The following DYNC2H1 variants were observed in gnomAD, a reference collection of about 807,000 sequenced individuals.
DYNC2H1 encodes the protein cytoplasmic dynein 2 heavy chain 1.
DYNC2H1 carries 410 observed loss-of-function variants against 570.0 expected under a neutral mutation model. The observed-to-expected ratio is 0.72, with a 90% CI of 0.66 to 0.78. The LOEUF is 0.78. DYNC2H1 is among the 30% of genes least tolerant of loss of function. DYNC2H1 has a pLI of 0.00. For synonymous variants in DYNC2H1, 1,688 were observed against 1,677.6 expected, an observed-to-expected ratio of 1.01 and a Z score of -0.15; for missense variants, 4,865 against 5,046.4, an observed-to-expected ratio of 0.96 and a Z score of 1.09.
rs1944046669 is a variant in DYNC2H1, at chr11:103,435,990, A to G, written c.12414A>G (p.Leu4138=). Residue 4138 remains leucine (L), a synonymous_variant, in exon 85 of 89, where the codon TTA becomes TTG. Transcript: ENST00000375735. ...QSKWEGPEDP[L]QYLRGLVARA... is the part of the protein sequence containing the mutation. Reference sequence around the variant, plus strand: ...AGTGGGAAGGCCCAGAAGATCCCTTACAATACCTGAGAGGTCTTGTTGCCC... The same window carrying G: ...AGTGGGAAGGCCCAGAAGATCCCTTGCAATACCTGAGAGGTCTTGTTGCCC... 1.2e-6 allele frequency: 2 copies of G among 1,612,678 alleles called. No homozygotes were observed. Among genetic ancestry groups the G allele is most frequent in the South Asian group, 1.1e-5 (1 of 91,038 alleles).
Position 103,192,188 on chromosome 11 carries a change from A to G in DYNC2H1, c.7632A>G (p.Glu2544=). Residue 2544 remains glutamate (E), a synonymous_variant, in exon 47 of 89, where the codon GAA becomes GAG. Transcript: ENST00000375735. The part of the protein sequence containing the change: ...LFRDKIVGAK[E]LHLFDIILTS... ...GTGACAAAATTGTTGGTGCAAAGGA[A>G]CTTCATTTATTTGACATCATTTTAA... The G allele has an allele frequency of 3.8e-6, 6 of 1,587,970 alleles. No individual in the cohort carries two copies. The highest frequency in any genetic ancestry group is 4.3e-6 in the Non-Finnish European group (5 of 1,164,228).
At position 103,159,042 on chromosome 11, in the gene DYNC2H1, T is replaced by A. The variant is rs879198532; in HGVS notation, c.4378+15T>A. On this transcript the variant is annotated intron_variant, in intron 28 of 88. Coordinates refer to ENST00000375735, the MANE Select transcript of DYNC2H1 (RefSeq NM_001377.3). Reference sequence around the variant, plus strand: ...GCTTTTTGCTGGTAGGATTCAACATTTATTTAACAGATATTTATTGAGTTT... The same window carrying A: ...GCTTTTTGCTGGTAGGATTCAACATATATTTAACAGATATTTATTGAGTTT... 1.3e-6 allele frequency: 2 copies of A among 1,584,376 alleles called. No homozygotes were observed. The highest frequency in any genetic ancestry group is 1.1e-5 in the South Asian group (1 of 88,674).
chr11:103,358,299 T>C lies in DYNC2H1; in HGVS notation c.12096T>C (p.Asp4032=), dbSNP rs2566913. 1,003,618 of 1,589,806 alleles carry C rather than the reference T, an allele frequency of 0.63. 323,291 individuals carry two copies. Among genetic ancestry groups the C allele is most frequent in the Admixed American group, 0.71 (40,408 of 57,078 alleles). ...GRSITAGSKF[D]REIWSNELSP... Reference sequence around the variant, plus strand: ...CCATAACAGCTGGTTCCAAATTTGATAGAGAAATCTGGTCTAATGAACTTT... The same window carrying C: ...CCATAACAGCTGGTTCCAAATTTGACAGAGAAATCTGGTCTAATGAACTTT... The change falls in exon 83 of 89, where the codon GAT becomes GAC. Residue 4032 remains aspartate, a synonymous_variant. Coordinates refer to ENST00000375735, the MANE Select transcript of DYNC2H1 (RefSeq NM_001377.3).
At position 103,268,782 on chromosome 11, in the gene DYNC2H1, G is replaced by A. The variant is rs973345163; in HGVS notation, c.10695+8805G>A. ...ATATAAACTTCCTTCTTGTTCATTT[G>A]AAATATTAGTAGCTTTTCTTATTAG... On this transcript the variant is annotated intron_variant, in intron 70 of 88. Coordinates refer to ENST00000375735, the MANE Select transcript of DYNC2H1 (RefSeq NM_001377.3). The surrounding 1 kb of genome is among the most constrained non-coding windows in gnomAD (Gnocchi z 4.6). 3.9e-5 allele frequency among the ~76,000 whole-genome samples: 6 copies of A among 151,996 alleles called. No homozygotes were observed. The highest frequency in any genetic ancestry group is 8.8e-5 in the Non-Finnish European group (6 of 67,864).
chr11:103,151,023 C>T lies in DYNC2H1; in HGVS notation c.2947-1113C>T, dbSNP rs533163793. Reference sequence around the variant, plus strand: ...ATATAGCAAAGTATTATATAATTCTCTTTTGGTATGTCTATTTGTTGGTAT... The same window carrying T: ...ATATAGCAAAGTATTATATAATTCTTTTTTGGTATGTCTATTTGTTGGTAT... On this transcript the variant is annotated intron_variant, in intron 20 of 88. Transcript: ENST00000375735. The surrounding 1 kb of genome is among the most constrained non-coding windows in gnomAD (Gnocchi z 4.6). Among the ~76,000 whole-genome samples the T allele has an allele frequency of 3.3e-5, 5 of 152,162 alleles. No individual in the cohort carries two copies. In the East Asian group the frequency reaches 9.6e-4, roughly 29 times the overall value.
At chr11:103,336,992 C>T (rs943656985) in intron 82 of DYNC2H1, among the ~76,000 whole-genome samples, 6 of 152,104 alleles carry the variant, frequency 3.9e-5, no homozygotes, top group African/African-American at 1.2e-4. Context: ...GTGACATGTT[C>T]GTGATGGCCA....
Position 103,263,709 on chromosome 11 carries a change from G to A in DYNC2H1, c.10695+3732G>A, listed in dbSNP as rs982738792. 3.3e-5 allele frequency among the ~76,000 whole-genome samples: 5 copies of A among 151,982 alleles called. 1 individual carries two copies. Among genetic ancestry groups the A allele is most frequent in the East Asian group, 1.9e-4 (1 of 5,182 alleles). ...CCAGAATCTCTGGAACACAGCTAGAGCAGTGTTTAGAGGGAAAGTTATAGC... is the reference window on the plus strand; with the variant it reads ...CCAGAATCTCTGGAACACAGCTAGAACAGTGTTTAGAGGGAAAGTTATAGC... On this transcript the variant is annotated intron_variant, in intron 70 of 88. Coordinates refer to ENST00000375735, the MANE Select transcript of DYNC2H1 (RefSeq NM_001377.3).
intron 78 of DYNC2H1, 89 bp from the exon 79 acceptor site, chr11:103,311,789 C>T: frequency 1.5e-6 from 2 of 1,345,296 alleles, no homozygotes; most frequent in Non-Finnish European, 1.0e-6. Context: ...GAAAAATTTT[C>T]TTTAAATTAT....
intron 75 of DYNC2H1, among the ~76,000 whole-genome samples, chr11:103,296,011 T>C (rs1866808561): frequency 6.6e-6 from 1 of 152,136 alleles, no homozygotes; most frequent in Admixed American, 6.5e-5. Flanking sequence ...TGAGTTCCAA[T>C]GCAAAGTCAC....
In DYNC2H1 at chr11:103,226,978, A is replaced by T. The variant is rs546736996; in HGVS notation, c.9353+3892A>T. Among the ~76,000 whole-genome samples the T allele has an allele frequency of 3.3e-5, 5 of 152,286 alleles. No individual in the cohort carries two copies. In the East Asian group the frequency reaches 9.6e-4, roughly 29 times the overall value. On this transcript the variant is annotated intron_variant, in intron 59 of 88. Transcript: ENST00000375735. Reference sequence around the variant, plus strand: ...TGGGTTTTCTAGTTTATGTGCATAAAGGTGTTCATAGTAGCCTTGAATAAT... The same window carrying T: ...TGGGTTTTCTAGTTTATGTGCATAATGGTGTTCATAGTAGCCTTGAATAAT...
intron 57 of DYNC2H1, 136 bp from the exon 58 acceptor site, chr11:103,221,894 C>A: frequency 3.6e-6 from 3 of 831,230 alleles, no homozygotes; most frequent in Non-Finnish European, 5.5e-6. Context: ...ACATTAGAAG[C>A]TTAAAGGTTT....
In DYNC2H1 at chr11:103,282,214, C is replaced by T. The variant is rs1866168893; in HGVS notation, c.10797C>T (p.Asp3599=). 1 of 1,608,016 alleles carries T rather than the reference C, an allele frequency of 6.2e-7. No individual in the cohort carries two copies. The highest frequency in any genetic ancestry group is 1.1e-5 in the South Asian group (1 of 89,534). ...CGTTTACAGGTGTGGTTGTTGGAGA[C>T]ATGTTACGGAAAGCTGTAAGTTAAA... ...WDTFTGVVVG[D]MLRKADSQQK... is the part of the protein sequence containing the mutation. Residue 3599 remains aspartate (D), a synonymous_variant, in exon 72 of 89, where the codon GAC becomes GAT. Transcript: ENST00000375735.
chr11:103,327,841 T>C (rs1938575204), intron 82 of DYNC2H1, among the ~76,000 whole-genome samples: 1 of 152,218 alleles, frequency 6.6e-6, no homozygotes, highest in Admixed American at 6.5e-5. Flanking sequence ...TTCTATTTCA[T>C]GTTAGCTACA....
chr11:103,161,961 C>T (rs1188781894), intron 29 of DYNC2H1, among the ~76,000 whole-genome samples: 1 of 152,114 alleles, frequency 6.6e-6, no homozygotes, highest in Non-Finnish European at 1.5e-5. Flanking sequence ...ATGTTTATTC[C>T]TGGTTAGGTT....
intron 85 of DYNC2H1, among the ~76,000 whole-genome samples, chr11:103,440,260 T>C (rs1361536180): frequency 1.3e-5 from 2 of 152,156 alleles, no homozygotes; most frequent in Admixed American, 1.3e-4. Context: ...TTTAATGGAC[T>C]CCTAAATATC....
intron 70 of DYNC2H1, among the ~76,000 whole-genome samples, chr11:103,262,691 C>A (rs1159627659): frequency 2.0e-5 from 3 of 152,066 alleles, no homozygotes; most frequent in Admixed American, 6.6e-5. Context: ...TACAAGAGCT[C>A]CTGAAGGAAG....
chr11:103,357,186 A>G (rs1368301223), intron 82 of DYNC2H1, among the ~76,000 whole-genome samples: 1 of 152,128 alleles, frequency 6.6e-6, no homozygotes. Flanking sequence ...CAAATGATTA[A>G]TAAGATTCAT....
intron 83 of DYNC2H1, among the ~76,000 whole-genome samples, chr11:103,373,905 T>C (rs1415165761): frequency 6.6e-6 from 1 of 152,224 alleles, no homozygotes; most frequent in African/African-American, 2.4e-5. Flanking sequence ...CTACATCCTC[T>C]TTTTGAAGTT....
At position 103,399,869 on chromosome 11, in the gene DYNC2H1, A is replaced by G; in HGVS notation, c.12363A>G (p.Gln4121=). 6.2e-7 allele frequency: 1 copy of G among 1,612,044 alleles called. No homozygotes were observed. The highest frequency in any genetic ancestry group is 8.5e-7 in the Non-Finnish European group (1 of 1,178,386). ...AATTGGCAAGTGCTTTATTAAACCA[A>G]AAGGTAAGCGAGTACTAACTGTATG... is the stretch of plus-strand genomic sequence containing the variant. ...VQKLASALLN[Q]KCPLAWQSKW... The change falls in exon 84 of 89, where the codon CAA becomes CAG. Residue 4121 remains glutamine (Q), a synonymous_variant. Coordinates refer to ENST00000375735, the MANE Select transcript of DYNC2H1 (RefSeq NM_001377.3).
Sources: allele counts gnomAD v4.1 joint callset (sites outside exome capture counted in the v4.1 genomes callset), GRCh38; gene constraint gnomAD v4.1.1; non-coding constraint Gnocchi (gnomAD v3.1); transcripts MANE v1.5; gene names NCBI Gene and HGNC (gene_info 2026-07-23, HGNC 2026-07-21).